The following CDH19 variants were observed in gnomAD, a reference collection of about 807,000 sequenced individuals.
CDH19 encodes cadherin 19, also known as cadherin-19.
A neutral mutation model predicts 64.2 loss-of-function variants in CDH19; 67 were observed. That is an observed-to-expected ratio of 1.04 (90% CI 0.86 to 1.28). The LOEUF is 1.28. CDH19 is among the 50% of genes most tolerant of loss of function. CDH19 has a pLI of 0.00. For missense variants in CDH19, 1,030 were observed against 929.0 expected, an observed-to-expected ratio of 1.11 and a Z score of -1.41; for synonymous variants, 346 against 319.3, an observed-to-expected ratio of 1.08 and a Z score of -0.89.
At chr18:66,587,850 TA>T (rs1988621959) in intron 1 of CDH19, among the ~76,000 whole-genome samples, 1 of 152,146 alleles carries the variant, frequency 6.6e-6, no homozygotes, top group Non-Finnish European at 1.5e-5. Context: ...GCTCCCCGAC[TA>T]ACAAAATCAA....
At chr18:66,540,954 T>C (rs1351756159) in intron 7 of CDH19, among the ~76,000 whole-genome samples, 3 of 152,202 alleles carry the variant, frequency 2.0e-5, no homozygotes, top group African/African-American at 7.2e-5. Flanking sequence ...GCTCCTCTAA[T>C]TTTTACCATA....
chr18:66,537,316 A>C (rs1986711678), intron 7 of CDH19, among the ~76,000 whole-genome samples: 1 of 151,946 alleles, frequency 6.6e-6, no homozygotes, highest in Non-Finnish European at 1.5e-5. Context: ...CAATTATTTT[A>C]AAGAGCGTCT....
At chr18:66,535,165 G>A (rs994223877) in intron 7 of CDH19, 58 bp from the exon 8 acceptor site, 2 of 1,063,218 alleles carry the variant, frequency 1.9e-6, no homozygotes, top group Non-Finnish European at 2.6e-6. Context: ...AACAGTGTTA[G>A]ATAATACTCT....
chr18:66,603,752 T>TA (rs1254244052), intron 1 of CDH19, among the ~76,000 whole-genome samples: 2 of 152,110 alleles, frequency 1.3e-5, no homozygotes, highest in Admixed American at 6.6e-5. Flanking sequence ...TTCTCACAAA[T>TA]ACGTGTTTTG....
At position 66,510,294 on chromosome 18, in the gene CDH19, G is replaced by A. The variant is rs563432765; in HGVS notation, c.1577-1048C>T. Among the ~76,000 whole-genome samples the A allele has an allele frequency of 4.6e-5, 7 of 151,616 alleles. No individual in the cohort carries two copies. The South Asian group carries it at 1.5e-3, about 31-fold the overall frequency. On this transcript the variant is annotated intron_variant, in intron 10 of 11. Transcript: ENST00000262150. ...TATTCGCTAGGCAGATCTAAGAGTT[G>A]AGAGACAGTTGACACTTTTTAAATA... is the stretch of plus-strand genomic sequence containing the variant.
At chr18:66,576,295 A>G (rs1988264306) in intron 1 of CDH19, among the ~76,000 whole-genome samples, 3 of 151,482 alleles carry the variant, frequency 2.0e-5, no homozygotes, top group African/African-American at 7.2e-5. Context: ...CTTTAAAATG[A>G]TTTAAAATAT....
At position 66,521,922 on chromosome 18, in the gene CDH19, TTGTTGTTGTTGTTG is replaced by T. The variant is rs1568176684; in HGVS notation, c.1458+7909_1458+7922del. The stretch of plus-strand genomic sequence containing the variant: ...GTTTATGTAGTTACTTGTTCTGTTG[TTGTTGTTGTTGTTG>T]TTGTTGTTGTTGTTGTTGTTGTTGT... On this transcript the variant is annotated intron_variant, in intron 9 of 11. Transcript: ENST00000262150. Among the ~76,000 whole-genome samples the T allele has an allele frequency of 3.5e-4, 38 of 109,154 alleles. No individual in the cohort carries two copies. The East Asian group carries it at 5.6e-3, about 16-fold the overall frequency. The allele number at this position is 109,154 out of a possible 152,430, so 71.6% of individuals were successfully genotyped here.
rs58115682 is a variant in CDH19, at chr18:66,510,583, A to AAATAAT, written c.1576+979_1576+984dup. Among the ~76,000 whole-genome samples, 286 of 139,354 alleles carry AAATAAT rather than the reference A, an allele frequency of 2.1e-3. 3 individuals carry two copies. The highest frequency in any genetic ancestry group is 4.3e-3 in the East Asian group (21 of 4,876). 91.4% of individuals were successfully genotyped at this position (139,354 alleles called of 152,430 possible). ...ATAAAATAACGTTGAAGTCTGCAACAAATAATAATAATAATAATAATAATA... is the reference window on the plus strand; with the variant it reads ...ATAAAATAACGTTGAAGTCTGCAACAAATAATAATAATAATAATAATAATAATAATA... On this transcript the variant is annotated intron_variant, in intron 10 of 11. Coordinates refer to ENST00000262150, the MANE Select transcript of CDH19 (RefSeq NM_021153.4).
intron 9 of CDH19, among the ~76,000 whole-genome samples, chr18:66,515,831 T>C (rs1001658397): frequency 1.3e-5 from 2 of 151,872 alleles, no homozygotes; most frequent in South Asian, 4.1e-4. Context: ...GTATCTTAAA[T>C]GTATCCATTT....
intron 9 of CDH19, among the ~76,000 whole-genome samples, chr18:66,526,730 T>C (rs1484215309): frequency 6.6e-6 from 1 of 152,036 alleles, no homozygotes; most frequent in Non-Finnish European, 1.5e-5. Flanking sequence ...CATAAGTTTT[T>C]TTCACATATA....
intron 3 of CDH19, among the ~76,000 whole-genome samples, chr18:66,564,597 A>G (rs1372129452): frequency 1.3e-5 from 2 of 151,968 alleles, no homozygotes; most frequent in African/African-American, 4.8e-5. Flanking sequence ...GTGAAACTAA[A>G]TTTTAAGGAA....
intron 1 of CDH19, among the ~76,000 whole-genome samples, chr18:66,598,178 A>G (rs955360054): frequency 8.5e-5 from 13 of 152,152 alleles, no homozygotes; most frequent in African/African-American, 3.1e-4. Flanking sequence ...TAGAAAAGGG[A>G]ATTCTTACAC....
chr18:66,532,519 C>CACACACACACACACACACACAG (rs957423260), intron 8 of CDH19: 1 of 294,520 alleles, frequency 3.4e-6, no homozygotes, highest in African/African-American at 2.2e-5. Flanking sequence ...CACACACACA[C>CACACACACACACACACACACAG]AGAGAAAGAG....
chr18:66,516,754 T>C (rs1985757071), intron 9 of CDH19, among the ~76,000 whole-genome samples: 1 of 152,008 alleles, frequency 6.6e-6, no homozygotes, highest in African/African-American at 2.4e-5. Flanking sequence ...TCTGCAGACC[T>C]GCTTAGGTCA....
rs1207336045 is a variant in CDH19, at chr18:66,604,076, G to C, written c.-235C>G. ...TTCACAGTCTTCTCAGCAAACTCTC[G>C]ATGTGCCCCATTGCCCAGAGTTACA... is the stretch of plus-strand genomic sequence containing the variant. On this transcript the variant is annotated 5_prime_UTR_variant, in exon 1 of 12. In the 5' UTR this introduces an upstream ATG that the reference lacks. Transcript: ENST00000262150. 1 of 151,938 alleles carries C rather than the reference G, an allele frequency of 6.6e-6. No homozygotes were observed. Among genetic ancestry groups the C allele is most frequent in the Non-Finnish European group, 1.5e-5 (1 of 68,002 alleles). 9.4% of individuals were successfully genotyped at this position (151,938 alleles called of 1,614,324 possible). A position where few individuals can be genotyped will look rare whatever the true frequency, so the allele number is the denominator to read the frequency against.
In CDH19 at chr18:66,572,300, G is replaced by A. The variant is rs1196097550; in HGVS notation, c.-96C>T. On this transcript the variant is annotated 5_prime_UTR_variant, in exon 2 of 12. Transcript: ENST00000262150. ...TTCTTTTATAATCTTTTCTGATTCT[G>A]TGTACCTTCTATATACCTAAAGCGT... 5.4e-6 allele frequency: 5 copies of A among 923,254 alleles called. No individual in the cohort carries two copies. Among genetic ancestry groups the A allele is most frequent in the Non-Finnish European group, 8.1e-6 (5 of 617,304 alleles). 57.2% of individuals were successfully genotyped at this position (923,254 alleles called of 1,614,324 possible).
At chr18:66,538,626 C>A (rs1377288531) in intron 7 of CDH19, among the ~76,000 whole-genome samples, 5 of 152,080 alleles carry the variant, frequency 3.3e-5, no homozygotes, top group African/African-American at 7.2e-5. Flanking sequence ...AATAAATACA[C>A]TTTCTAGGCC....
chr18:66,594,535 T>C (rs1217808095), intron 1 of CDH19, among the ~76,000 whole-genome samples: 1 of 151,842 alleles, frequency 6.6e-6, no homozygotes, highest in Non-Finnish European at 1.5e-5. Flanking sequence ...TCTCAACATG[T>C]TCAAAAAGCC....
At chr18:66,589,352 T>G (rs1988676797) in intron 1 of CDH19, among the ~76,000 whole-genome samples, 1 of 151,732 alleles carries the variant, frequency 6.6e-6, no homozygotes, top group South Asian at 2.1e-4. Context: ...TTCCCAAGAA[T>G]TTCTAACAGT....
Sources: allele counts gnomAD v4.1 joint callset (sites outside exome capture counted in the v4.1 genomes callset), GRCh38; gene constraint gnomAD v4.1.1; transcripts MANE v1.5; gene names NCBI Gene and HGNC (gene_info 2026-07-23, HGNC 2026-07-21).